STX18: variants seen among roughly 807,000 people sequenced by gnomAD.
STX18 encodes the protein syntaxin-18.
A neutral mutation model predicts 50.1 loss-of-function variants in STX18; 40 were observed. The observed-to-expected ratio is 0.80, with a 90% CI of 0.62 to 1.04. STX18 has a LOEUF of 1.04. Among genes scored for constraint, STX18 ranks in the 50% least tolerant of loss-of-function variants. The probability of loss-of-function intolerance (pLI) is 0.00; values close to 1 mark genes in which losing one functional copy is unlikely to be tolerated. For synonymous variants in STX18, 158 were observed against 151.8 expected, an observed-to-expected ratio of 1.04 and a Z score of -0.30; for missense variants, 410 against 415.8, an observed-to-expected ratio of 0.99 and a Z score of 0.12.
chr4:4,500,961 T>C (rs1260932696), intron 1 of STX18, among the ~76,000 whole-genome samples: 2 of 151,926 alleles, frequency 1.3e-5, no homozygotes, highest in Non-Finnish European at 2.9e-5. Flanking sequence ...TGCTAGAACC[T>C]AGGAGAAGGA....
At chr4:4,506,684 A>T (rs1047794079) in intron 1 of STX18, among the ~76,000 whole-genome samples, 2 of 152,230 alleles carry the variant, frequency 1.3e-5, no homozygotes, top group African/African-American at 4.8e-5. Context: ...CTCTATAGAT[A>T]CTATGTTTTT....
At chr4:4,537,006 C>T (rs1404843441) in intron 1 of STX18, among the ~76,000 whole-genome samples, 2 of 152,212 alleles carry the variant, frequency 1.3e-5, no homozygotes, top group African/African-American at 4.8e-5. Flanking sequence ...TACTGGCAGA[C>T]CTGCGGCTAG....
Position 4,424,909 on chromosome 4 carries a change from G to C in STX18, c.761+255C>G, listed in dbSNP as rs548193916. Among the ~76,000 whole-genome samples, 21 of 152,266 alleles carry C rather than the reference G, an allele frequency of 1.4e-4. No homozygotes were observed. The East Asian group carries it at 3.7e-3, about 27-fold the overall frequency. On this transcript the variant is annotated intron_variant, in intron 8 of 10. Coordinates refer to ENST00000306200, the MANE Select transcript of STX18 (RefSeq NM_016930.4). ...ACGCAGGTAATCTGTAGTCACTCCT[G>C]TATCTCTCGGGGTGGGAAGCACCTG...
intron 5 of STX18, among the ~76,000 whole-genome samples, chr4:4,442,499 C>T (rs1726168821): frequency 6.6e-6 from 1 of 152,088 alleles, no homozygotes; most frequent in African/African-American, 2.4e-5. Context: ...CACCTGTAGT[C>T]CCAGCTACTC....
intron 1 of STX18, among the ~76,000 whole-genome samples, chr4:4,528,310 G>A (rs934935004): frequency 3.9e-5 from 6 of 152,092 alleles, no homozygotes; most frequent in African/African-American, 7.2e-5. Context: ...GGGAGGTGTT[G>A]GATCATGAGG....
In STX18 at chr4:4,541,861, C is replaced by A. The variant is rs781161674; in HGVS notation, c.104G>T (p.Arg35Leu). Residue 35 changes from arginine to leucine, a missense_variant, in exon 1 of 11, where the codon CGG becomes CTG. Physicochemically the swap from Arg to Leu is moderately radical, Grantham distance 102. Coordinates refer to ENST00000306200, the MANE Select transcript of STX18 (RefSeq NM_016930.4). ...VAVGGGVDGS[R>L]DELFRRSPRP... ...GGGGCTCCGGCGGAACAGCTCGTCC[C>A]GGCTGCCATCGACCCCGCCGCCCAC... is the stretch of plus-strand genomic sequence containing the variant. The A allele has an allele frequency of 6.2e-7, 1 of 1,610,364 alleles. No individual in the cohort carries two copies. The highest frequency in any genetic ancestry group is 2.2e-5 in the East Asian group (1 of 44,784).
intron 5 of STX18, among the ~76,000 whole-genome samples, chr4:4,439,232 C>A (rs1725964204): frequency 9.1e-6 from 1 of 109,754 alleles, no homozygotes; most frequent in Admixed American, 8.7e-5. Context: ...CCCACATATA[C>A]ACACACACCA....
chr4:4,472,050 C>A, intron 1 of STX18, among the ~76,000 whole-genome samples: 1 of 152,198 alleles, frequency 6.6e-6, no homozygotes. Context: ...TAAAATTGCA[C>A]AGCAAGTATT....
chr4:4,438,928 CAT>C lies in STX18; in HGVS notation c.498-421_498-420del, dbSNP rs138468990. Among the ~76,000 whole-genome samples, 269 of 147,154 alleles carry C rather than the reference CAT, an allele frequency of 1.8e-3. 1 individual carries two copies. The highest frequency in any genetic ancestry group is 0.011 in the Middle Eastern group (3 of 276). On this transcript the variant is annotated intron_variant, in intron 5 of 10. Coordinates refer to ENST00000306200, the MANE Select transcript of STX18 (RefSeq NM_016930.4). ...ATATAATACATATTATACATATATT[CAT>C]ATATATATATATACCCCCACACACA...
At chr4:4,489,285 T>C (rs149648784) in intron 1 of STX18, among the ~76,000 whole-genome samples, 34 of 151,248 alleles carry the variant, frequency 2.2e-4, no homozygotes, top group African/African-American at 7.3e-4. Flanking sequence ...CTCAAAAATA[T>C]ACAGATCCCT....
chr4:4,485,754 T>C (rs1454203480), intron 1 of STX18, among the ~76,000 whole-genome samples: 2 of 152,138 alleles, frequency 1.3e-5, no homozygotes, highest in Non-Finnish European at 1.5e-5. Context: ...CTCCTACCAT[T>C]AGGTTTCTGT....
intron 1 of STX18, chr4:4,478,006 C>G (rs1728273532): frequency 6.6e-6 from 1 of 152,104 alleles, no homozygotes; most frequent in South Asian, 2.1e-4. Context: ...ACCTAGTAAA[C>G]ATGGAAACAA....
chr4:4,537,463 A>C (rs992314198), intron 1 of STX18, among the ~76,000 whole-genome samples: 1 of 152,126 alleles, frequency 6.6e-6, no homozygotes, highest in Non-Finnish European at 1.5e-5. Flanking sequence ...GACCTGACCA[A>C]TTAAAGAAAC....
At chr4:4,492,831 G>A (rs1187564100) in intron 1 of STX18, among the ~76,000 whole-genome samples, 1 of 152,148 alleles carries the variant, frequency 6.6e-6, no homozygotes, top group East Asian at 1.9e-4. Flanking sequence ...GTGCATTTAA[G>A]AGATGGTAAT....
chr4:4,502,131 T>A (rs551879220), intron 1 of STX18, among the ~76,000 whole-genome samples: 1 of 152,178 alleles, frequency 6.6e-6, no homozygotes, highest in African/African-American at 2.4e-5. Context: ...CTCTATTAGG[T>A]GTAATATACC....
intron 1 of STX18, among the ~76,000 whole-genome samples, chr4:4,486,555 T>A (rs1028589552): frequency 2.6e-5 from 4 of 152,240 alleles, no homozygotes; most frequent in African/African-American, 9.6e-5. Flanking sequence ...TTGCATTTAA[T>A]CCTCATTATA....
chr4:4,423,108 G>A (rs1185955915), intron 9 of STX18, among the ~76,000 whole-genome samples: 2 of 152,214 alleles, frequency 1.3e-5, no homozygotes, highest in African/African-American at 2.4e-5. Context: ...CGTCAGCATC[G>A]TGCTGGATGC....
intron 5 of STX18, among the ~76,000 whole-genome samples, chr4:4,444,765 TA>T (rs1314956283): frequency 6.6e-6 from 1 of 152,194 alleles, no homozygotes; most frequent in Non-Finnish European, 1.5e-5. Context: ...AACAGCTACA[TA>T]ATACCTACTT....
At chr4:4,471,825 C>G in intron 1 of STX18, 119 bp from the exon 2 acceptor site, 2 of 731,548 alleles carry the variant, frequency 2.7e-6, no homozygotes, top group Non-Finnish European at 4.3e-6. Flanking sequence ...ACAAACTGAG[C>G]ACCGTCGGTT....
Sources: gnomAD v4.1 joint callset for allele counts (sites outside exome capture counted in the v4.1 genomes callset) on GRCh38, gnomAD v4.1.1 for gene constraint, MANE v1.5 for transcripts, NCBI Gene and HGNC (gene_info 2026-07-23, HGNC 2026-07-21) for gene names.